SLC25A26: variants seen among roughly 807,000 people sequenced by gnomAD.
SLC25A26 encodes the protein solute carrier family 25 member 26.
In SLC25A26, 36 loss-of-function variants were observed where a neutral mutation model predicts 37.8. That is an observed-to-expected ratio of 0.95 (90% CI 0.73 to 1.26). The LOEUF (loss-of-function observed/expected upper bound fraction) is 1.26, where lower values mean the gene tolerates loss of function less well. Ranked by LOEUF, SLC25A26 falls within the 50% of genes most tolerant of loss-of-function variation. SLC25A26 has a pLI of 0.00. For missense variants in SLC25A26, 390 were observed against 331.1 expected, an observed-to-expected ratio of 1.18 and a Z score of -1.38; for synonymous variants, 129 against 122.5, an observed-to-expected ratio of 1.05 and a Z score of -0.35.
upstream of SLC25A26, among the ~76,000 whole-genome samples, chr3:66,217,752 G>T (rs993217220): frequency 6.6e-6 from 1 of 152,112 alleles, no homozygotes; most frequent in South Asian, 2.1e-4. Context: ...GCTTCACTGT[G>T]TTGGCCAGGC....
intron 1 of SLC25A26, among the ~76,000 whole-genome samples, chr3:66,178,996 G>A (rs1489693773): frequency 6.6e-6 from 1 of 152,148 alleles, no homozygotes; most frequent in African/African-American, 2.4e-5. Flanking sequence ...AGGCTTGCAA[G>A]CAGCATAGAG....
At chr3:66,160,447 TTAAAA>T (rs1311971707) in intron 1 of SLC25A26, among the ~76,000 whole-genome samples, 25 of 152,152 alleles carry the variant, frequency 1.6e-4, no homozygotes, top group African/African-American at 5.5e-4. Flanking sequence ...ATCAATTCCG[TTAAAA>T]TAAAGTTCTG....
chr3:66,185,729 C>A (rs2070813521), intron 1 of SLC25A26, among the ~76,000 whole-genome samples: 1 of 152,124 alleles, frequency 6.6e-6, no homozygotes, highest in Non-Finnish European at 1.5e-5. Context: ...GTGGCCCATA[C>A]TATTAACCTC....
At chr3:66,249,173 A>G (rs566536872) in intron 3 of SLC25A26, among the ~76,000 whole-genome samples, 26 of 152,324 alleles carry the variant, frequency 1.7e-4, no homozygotes, top group East Asian at 3.9e-4. Context: ...GAGTGTGACA[A>G]TGAACTCAGA....
Position 66,312,032 on chromosome 3 carries a change from C to A in SLC25A26, c.454-34332C>A, listed in dbSNP as rs7615173. ...GAGCTCAAGTGCTGTGCTGCGAGAT[C>A]CACTCCTCTCTTCAGAGCTGGCAGA... On this transcript the variant is annotated intron_variant, in intron 5 of 9. Coordinates refer to ENST00000354883, the MANE Select transcript of SLC25A26 (RefSeq NM_001379210.1). Among the ~76,000 whole-genome samples the A allele has an allele frequency of 2.2e-3, 329 of 152,310 alleles. 1 individual carries two copies. Among genetic ancestry groups the A allele is most frequent in the African/African-American group, 7.7e-3 (319 of 41,562 alleles).
Position 66,345,007 on chromosome 3 carries a change from G to A in SLC25A26, c.454-1357G>A, listed in dbSNP as rs140196456. ...CCCTAACTGTCTCAGCATGTGTTGT[G>A]AGGATTCAGTGAAATAAAGCTTACA... On this transcript the variant is annotated intron_variant, in intron 5 of 9. Coordinates refer to ENST00000354883, the MANE Select transcript of SLC25A26 (RefSeq NM_001379210.1). Among the ~76,000 whole-genome samples the A allele has an allele frequency of 3.7e-3, 556 of 152,278 alleles. 4 individuals carry two copies. Among genetic ancestry groups the A allele is most frequent in the African/African-American group, 0.013 (538 of 41,534 alleles).
intron 1 of SLC25A26, among the ~76,000 whole-genome samples, chr3:66,215,637 T>C (rs907113031): frequency 6.6e-6 from 1 of 152,360 alleles, no homozygotes; most frequent in South Asian, 2.1e-4. Context: ...TCACTAATTT[T>C]AAATGCAAAC....
chr3:66,331,573 A>G (rs1205416879), intron 5 of SLC25A26, among the ~76,000 whole-genome samples: 2 of 152,036 alleles, frequency 1.3e-5, no homozygotes, highest in African/African-American at 4.8e-5. Context: ...TGTGTCATAT[A>G]GTTTTTTCTT....
chr3:66,236,069 G>T (rs146979831), intron 1 of SLC25A26, among the ~76,000 whole-genome samples: 3,210 of 151,956 alleles, frequency 0.021, 111 homozygotes, highest in African/African-American at 0.074. Context: ...GTGCCACCAT[G>T]CCCAGCTTAA....
chr3:66,194,829 G>C lies in SLC25A26; in HGVS notation c.-353-25913G>C, dbSNP rs1017263225. On this transcript the variant is annotated intron_variant, in intron 1 of 10. Coordinates refer to the SLC25A26 transcript ENST00000676754. Reference sequence around the variant, plus strand: ...TTGGCCAGGCTGGTCTCGGACTCCCGACCCCAGGTGATCCGCCCTCCTCGG... The same window carrying C: ...TTGGCCAGGCTGGTCTCGGACTCCCCACCCCAGGTGATCCGCCCTCCTCGG... Among the ~76,000 whole-genome samples the C allele has an allele frequency of 2.3e-3, 352 of 152,252 alleles. 6 individuals carry two copies. Among genetic ancestry groups the C allele is most frequent in the African/African-American group, 8.1e-3 (335 of 41,542 alleles).
chr3:66,346,724 G>A (rs979731033), intron 6 of SLC25A26, among the ~76,000 whole-genome samples: 4 of 119,228 alleles, frequency 3.4e-5, no homozygotes, highest in African/African-American at 2.4e-4. Flanking sequence ...GCGTGTGTGT[G>A]TGTGTGTGTG....
At chr3:66,162,627 A>G (rs1188938281) in intron 1 of SLC25A26, among the ~76,000 whole-genome samples, 2 of 152,170 alleles carry the variant, frequency 1.3e-5, no homozygotes, top group Non-Finnish European at 2.9e-5. Flanking sequence ...TGAGTTAAAG[A>G]TGGGACAATA....
chr3:66,273,469 G>T (rs1174029023), intron 5 of SLC25A26, among the ~76,000 whole-genome samples: 1 of 152,066 alleles, frequency 6.6e-6, no homozygotes, highest in Non-Finnish European at 1.5e-5. Context: ...TTCAGATCCT[G>T]TTATTGGTCG....
intron 1 of SLC25A26, among the ~76,000 whole-genome samples, chr3:66,135,621 G>A (rs895265646): frequency 1.1e-4 from 17 of 152,116 alleles, no homozygotes; most frequent in African/African-American, 3.9e-4. Context: ...TAAAAAATTA[G>A]GTGGGCATGG....
chr3:66,239,125 T>C (rs1397351632), intron 2 of SLC25A26, among the ~76,000 whole-genome samples: 1 of 152,344 alleles, frequency 6.6e-6, no homozygotes, highest in East Asian at 1.9e-4. Context: ...CATTCCTTCT[T>C]CTACATCTTC....
intron 3 of SLC25A26, 58 bp downstream of exon 3, chr3:66,243,370 T>A (rs2072677196): frequency 1.2e-6 from 1 of 800,296 alleles, no homozygotes; most frequent in Non-Finnish European, 2.1e-6. Flanking sequence ...GCATATATTT[T>A]CAGTACATAT....
At chr3:66,300,866 T>C (rs1333416460) in intron 5 of SLC25A26, among the ~76,000 whole-genome samples, 1 of 152,252 alleles carries the variant, frequency 6.6e-6, no homozygotes, top group Non-Finnish European at 1.5e-5. Flanking sequence ...AATCTGTATT[T>C]ATGCTTCTGT....
chr3:66,279,914 A>G (rs763907787), intron 5 of SLC25A26, among the ~76,000 whole-genome samples: 11 of 152,270 alleles, frequency 7.2e-5, no homozygotes, highest in Admixed American at 2.6e-4. Context: ...CTTCGGGACA[A>G]AATTTATTAT....
At chr3:66,262,819 A>G (rs568653562) in intron 4 of SLC25A26, among the ~76,000 whole-genome samples, 5 of 152,324 alleles carry the variant, frequency 3.3e-5, no homozygotes, top group African/African-American at 9.6e-5. Context: ...AACTATGTGG[A>G]TGGTTAATCC....
Sources: allele counts gnomAD v4.1 joint callset (sites outside exome capture counted in the v4.1 genomes callset), GRCh38; gene constraint gnomAD v4.1.1; transcripts MANE v1.5; gene names NCBI Gene and HGNC (gene_info 2026-07-23, HGNC 2026-07-21).